The following FHIP2A variants were observed in gnomAD, a reference collection of about 807,000 sequenced individuals.
FHIP2A encodes FHF complex subunit HOOK interacting protein 2A.
In FHIP2A, 46 loss-of-function variants were observed where a neutral mutation model predicts 93.5. The observed-to-expected ratio is 0.49, with a 90% CI of 0.39 to 0.63. FHIP2A has a LOEUF of 0.63. FHIP2A is among the 20% of genes least tolerant of loss of function. The pLI is 0.00. For synonymous variants in FHIP2A, 332 were observed against 326.5 expected, an observed-to-expected ratio of 1.02 and a Z score of -0.18; for missense variants, 769 against 909.7, an observed-to-expected ratio of 0.85 and a Z score of 1.99.
At chr10:114,876,114 C>T (rs778881350) in intron 16 of FHIP2A, among the ~76,000 whole-genome samples, 33 of 152,192 alleles carry the variant, frequency 2.2e-4, no homozygotes, top group South Asian at 2.1e-4. Context: ...CGCTCACCAG[C>T]GCTTTGCCTT....
At chr10:114,896,875 C>T (rs1303403507) in intron 16 of FHIP2A, among the ~76,000 whole-genome samples, 1 of 152,182 alleles carries the variant, frequency 6.6e-6, no homozygotes, top group African/African-American at 2.4e-5. Flanking sequence ...AGTAGCTTTG[C>T]AGATTTTCTC....
chr10:114,893,285 A>G (rs10885626), intron 16 of FHIP2A, among the ~76,000 whole-genome samples: 92,464 of 152,070 alleles, frequency 0.61, 29,116 homozygotes, highest in African/African-American at 0.77. Context: ...CATATTTCTG[A>G]GAAAAGGTTG....
chr10:114,860,090 G>T (rs34683721), intron 14 of FHIP2A, among the ~76,000 whole-genome samples: 9 of 151,868 alleles, frequency 5.9e-5, no homozygotes, highest in Non-Finnish European at 1.3e-4. Context: ...TATGCTCAAT[G>T]GGTCCTCTGT....
In FHIP2A at chr10:114,862,096, C is replaced by G; in HGVS notation, c.*556C>G. The G allele has an allele frequency of 2.1e-6, 2 of 947,812 alleles. No individual in the cohort carries two copies. The highest frequency in any genetic ancestry group is 2.5e-6 in the Non-Finnish European group (2 of 795,770). The allele number at this position is 947,812 out of a possible 1,614,324, so 58.7% of individuals were successfully genotyped here. On this transcript the variant is annotated 3_prime_UTR_variant, in exon 17 of 17. Transcript: ENST00000369248. ...TAGGCGATAAAAATGTGTAGAGCAC[C>G]ATTAACTTTCTTCAGCTTTTTTAAG...
chr10:114,889,057 A>G (rs1592035530), intron 16 of FHIP2A, among the ~76,000 whole-genome samples: 2 of 151,744 alleles, frequency 1.3e-5, no homozygotes, highest in African/African-American at 4.8e-5. Context: ...AGTAGCCAAG[A>G]TGAAGTGCTG....
chr10:114,892,987 G>A (rs2083983102), intron 16 of FHIP2A, among the ~76,000 whole-genome samples: 1 of 152,148 alleles, frequency 6.6e-6, no homozygotes, highest in African/African-American at 2.4e-5. Context: ...GGTGTGGAGA[G>A]GGGTAGCTTA....
chr10:114,864,483 T>C lies in FHIP2A; in HGVS notation c.*2943T>C, dbSNP rs1180046985. ...TACTCTGTTTTGCCTCCTGCCTTGT[T>C]TACATTAAACAGGATATTTGGTAAA... is the stretch of plus-strand genomic sequence containing the variant. On this transcript the variant is annotated 3_prime_UTR_variant, in exon 17 of 17. Transcript: ENST00000369248. 1.0e-6 allele frequency: 1 copy of C among 985,738 alleles called. No homozygotes were observed. The highest frequency in any genetic ancestry group is 1.7e-5 in the African/African-American group (1 of 57,246). 61.1% of individuals were successfully genotyped at this position (985,738 alleles called of 1,614,324 possible). A position where few individuals can be genotyped will look rare whatever the true frequency, so the allele number is the denominator to read the frequency against.
intron 16 of FHIP2A, among the ~76,000 whole-genome samples, chr10:114,880,408 A>AG (rs1004707858): frequency 2.0e-5 from 3 of 152,166 alleles, no homozygotes; most frequent in Non-Finnish European, 2.9e-5. Flanking sequence ...GGCTGGGTGC[A>AG]GGGGCTCATG....
downstream of FHIP2A, among the ~76,000 whole-genome samples, chr10:114,866,079 GTA>G (rs947184483): frequency 5.8e-4 from 88 of 152,046 alleles, no homozygotes; most frequent in African/African-American, 1.8e-3. Context: ...CATCACCCAG[GTA>G]TTAAGCCCCA....
chr10:114,872,530 A>G (rs1592029914), intron 16 of FHIP2A, among the ~76,000 whole-genome samples: 1 of 152,214 alleles, frequency 6.6e-6, no homozygotes, highest in South Asian at 2.1e-4. Context: ...TTAGAAGTTT[A>G]AACCTGAGCT....
At chr10:114,874,265 A>ATT (rs11462305) in intron 16 of FHIP2A, among the ~76,000 whole-genome samples, 1 of 151,904 alleles carries the variant, frequency 6.6e-6, no homozygotes, top group Non-Finnish European at 1.5e-5. Context: ...TAGATCTTTA[A>ATT]TTTTTTTTCC....
At chr10:114,822,451 C>T (rs938709711) in intron 1 of FHIP2A, among the ~76,000 whole-genome samples, 1 of 152,038 alleles carries the variant, frequency 6.6e-6, no homozygotes, top group Admixed American at 6.5e-5. Flanking sequence ...CTGATGGGGC[C>T]GGGGGTTCGG....
chr10:114,827,847 T>C (rs2083586416), intron 1 of FHIP2A, among the ~76,000 whole-genome samples: 1 of 151,080 alleles, frequency 6.6e-6, no homozygotes, highest in Admixed American at 6.6e-5. Flanking sequence ...GACTCCATCC[T>C]AGGCAGGAAG....
downstream of FHIP2A, among the ~76,000 whole-genome samples, chr10:114,868,352 G>A (rs941533338): frequency 2.6e-5 from 4 of 152,100 alleles, no homozygotes; most frequent in African/African-American, 9.7e-5. Context: ...TGCATGCGGG[G>A]ATCTAGGTTG....
chr10:114,857,681 A>G (rs1031757017), intron 14 of FHIP2A, among the ~76,000 whole-genome samples: 2 of 151,920 alleles, frequency 1.3e-5, no homozygotes, highest in African/African-American at 4.8e-5. Context: ...TAGATTCCTA[A>G]TAGGGTCTAG....
chr10:114,862,857 G>A lies in FHIP2A; in HGVS notation c.*1317G>A. 1.0e-6 allele frequency: 1 copy of A among 985,386 alleles called. No homozygotes were observed. The highest frequency in any genetic ancestry group is 1.2e-6 in the Non-Finnish European group (1 of 829,922). 61.0% of individuals were successfully genotyped at this position (985,386 alleles called of 1,614,324 possible). ...TATTTGGGGGAACAGGCTATCAAAG[G>A]TTCCGGCTTGAAGGGAACTGTCACT... On this transcript the variant is annotated 3_prime_UTR_variant, in exon 17 of 17. Transcript: ENST00000369248.
chr10:114,898,077 A>G (rs909032872), intron 16 of FHIP2A, among the ~76,000 whole-genome samples: 7 of 152,140 alleles, frequency 4.6e-5, no homozygotes, highest in Non-Finnish European at 7.4e-5. Context: ...AGGAGTTCAA[A>G]TGTTTGTAAA....
intron 16 of FHIP2A, among the ~76,000 whole-genome samples, chr10:114,876,112 A>G (rs191760938): frequency 0.012 from 1,801 of 152,258 alleles, 39 homozygotes; most frequent in African/African-American, 0.041. Flanking sequence ...CCCGCTCACC[A>G]GCGCTTTGCC....
chr10:114,867,025 A>G (rs2083832456), downstream of FHIP2A, among the ~76,000 whole-genome samples: 1 of 152,114 alleles, frequency 6.6e-6, no homozygotes, highest in Admixed American at 6.5e-5. Context: ...TCTGGCCAAT[A>G]TGGTGAAACT....
Sources: allele counts gnomAD v4.1 joint callset (sites outside exome capture counted in the v4.1 genomes callset), GRCh38; gene constraint gnomAD v4.1.1; transcripts MANE v1.5; gene names NCBI Gene and HGNC (gene_info 2026-07-23, HGNC 2026-07-21).